The following SNX10 variants were observed in gnomAD, a reference collection of about 807,000 sequenced individuals.
SNX10 encodes sorting nexin 10, also known as sorting nexin-10.
In SNX10, 25 loss-of-function variants were observed where a neutral mutation model predicts 28.5. The observed-to-expected ratio is 0.88, with a 90% CI of 0.64 to 1.22. SNX10 has a LOEUF of 1.22. Ranked by LOEUF, SNX10 falls within the 50% of genes most tolerant of loss-of-function variation. The pLI is 0.00. For synonymous variants in SNX10, 62 were observed against 81.4 expected (o/e 0.76, Z 1.28); for missense variants, 223 against 242.6 (o/e 0.92, Z 0.54).
chr7:26,358,458 G>A (rs1187648417), intron 2 of SNX10, among the ~76,000 whole-genome samples: 13 of 152,154 alleles, frequency 8.5e-5, no homozygotes, highest in Admixed American at 6.5e-4. Context: ...AGAAATACTG[G>A]CTGGGGCACA....
intron 5 of SNX10, 88 bp downstream of exon 5, chr7:26,365,233 C>G (rs1789243916): frequency 2.6e-6 from 2 of 783,234 alleles, no homozygotes; most frequent in African/African-American, 3.4e-5. Flanking sequence ...AAGAGTGTTC[C>G]TGTTTCTGAA....
chr7:26,313,333 T>C (rs2127998152), intron 1 of SNX10, among the ~76,000 whole-genome samples: 1 of 152,322 alleles, frequency 6.6e-6, no homozygotes, highest in East Asian at 1.9e-4. Flanking sequence ...AGCAGATCTT[T>C]AGAGCTGCTT....
At chr7:26,293,632 C>T (rs1177530661) in intron 1 of SNX10, among the ~76,000 whole-genome samples, 1 of 152,158 alleles carries the variant, frequency 6.6e-6, no homozygotes, top group Non-Finnish European at 1.5e-5. Context: ...CAGTGATTAG[C>T]ATGGACTCAA....
In SNX10 at chr7:26,325,103, G is replaced by A. The variant is rs1044090317; in HGVS notation, c.-23-21317G>A. On this transcript the variant is annotated intron_variant, in intron 1 of 6. Transcript: ENST00000338523. ...CCCTCTACCATTCTCATGAAAGAAC[G>A]GGCTAGCATAGCACCTACAGACTCC... Among the ~76,000 whole-genome samples the A allele has an allele frequency of 4.0e-5, 6 of 151,444 alleles. 1 individual carries two copies. The South Asian group carries it at 6.3e-4, about 16-fold the overall frequency.
chr7:26,350,172 T>C (rs1788540900), intron 2 of SNX10, among the ~76,000 whole-genome samples: 1 of 152,218 alleles, frequency 6.6e-6, no homozygotes, highest in South Asian at 2.1e-4. Flanking sequence ...CCTTCCCAAA[T>C]GCACATGCTT....
At chr7:26,309,368 C>CA (rs66530736) in intron 1 of SNX10, among the ~76,000 whole-genome samples, 6,628 of 140,282 alleles carry the variant, frequency 0.047, 392 homozygotes, top group African/African-American at 0.14. Context: ...CTTAATCATC[C>CA]AAAAAAAAAA....
intron 2 of SNX10, among the ~76,000 whole-genome samples, chr7:26,348,392 T>G (rs1242710881): frequency 6.6e-6 from 1 of 152,222 alleles, no homozygotes; most frequent in Non-Finnish European, 1.5e-5. Flanking sequence ...CTGAACCACC[T>G]TCAAGTTTAA....
At chr7:26,344,175 ATT>A (rs35200460) in intron 1 of SNX10, among the ~76,000 whole-genome samples, 8 of 114,062 alleles carry the variant, frequency 7.0e-5, no homozygotes, top group Admixed American at 9.8e-5. Flanking sequence ...CTGTCTCTGA[ATT>A]TTTTTTTTTT....
rs533069234 is a variant in SNX10 at position 26,317,941 on chromosome 7, G to A, written c.-24+25855G>A. Among the ~76,000 whole-genome samples, 15 of 152,140 alleles carry A rather than the reference G, an allele frequency of 9.9e-5. No homozygotes were observed. In the East Asian group the frequency reaches 1.7e-3, roughly 18 times the overall value. On this transcript the variant is annotated intron_variant, in intron 1 of 6. Coordinates refer to ENST00000338523, the MANE Select transcript of SNX10 (RefSeq NM_013322.3). ...CTCTCAAAGTGCTGGGATTACAGAC[G>A]TGAGCCACCACGCCCGGCTTTCATG... is the stretch of plus-strand genomic sequence containing the variant.
chr7:26,300,912 G>T (rs536739122), intron 1 of SNX10, among the ~76,000 whole-genome samples: 1 of 150,882 alleles, frequency 6.6e-6, no homozygotes, highest in Admixed American at 6.7e-5. Flanking sequence ...CCAGCTACTC[G>T]GGAGGCTGCG....
chr7:26,369,835 C>T (rs1191936491), intron 5 of SNX10, among the ~76,000 whole-genome samples: 10 of 152,180 alleles, frequency 6.6e-5, no homozygotes, highest in African/African-American at 2.2e-4. Context: ...CTTGAGGTCC[C>T]GATCAACCTG....
chr7:26,304,858 G>A (rs928545444), intron 1 of SNX10, among the ~76,000 whole-genome samples: 3 of 152,066 alleles, frequency 2.0e-5, no homozygotes, highest in Non-Finnish European at 2.9e-5. Context: ...TTTTAACTCC[G>A]GGTTCCTTAA....
chr7:26,323,081 C>T (rs1787368191), intron 1 of SNX10, among the ~76,000 whole-genome samples: 1 of 151,858 alleles, frequency 6.6e-6, no homozygotes, highest in African/African-American at 2.4e-5. Flanking sequence ...GATATTATCT[C>T]TATAAAAAAA....
At position 26,333,134 on chromosome 7, in the gene SNX10, C is replaced by T. The variant is rs374788599; in HGVS notation, c.-23-13286C>T. On this transcript the variant is annotated intron_variant, in intron 1 of 6. Coordinates refer to ENST00000338523, the MANE Select transcript of SNX10 (RefSeq NM_013322.3). ...AGACATCTGGGATTCTGATAGTGAT[C>T]GTGCTTGAATCCATAGATCACTTTG... Among the ~76,000 whole-genome samples the T allele has an allele frequency of 3.3e-5, 5 of 152,100 alleles. No homozygotes were observed. The East Asian group carries it at 7.7e-4, about 23-fold the overall frequency.
At position 26,314,230 on chromosome 7, in the gene SNX10, A is replaced by G. The variant is rs955123373; in HGVS notation, c.-24+22144A>G. On this transcript the variant is annotated intron_variant, in intron 1 of 6. Transcript: ENST00000338523. ...TCAATATATTTTCAAAGGGTAGTCC[A>G]TTCTTGTAAAGGACATAATGTGCCT... 2.6e-5 allele frequency among the ~76,000 whole-genome samples: 4 copies of G among 151,756 alleles called. No homozygotes were observed. In the East Asian group the frequency reaches 5.9e-4, roughly 22 times the overall value.
intron 2 of SNX10, among the ~76,000 whole-genome samples, chr7:26,358,952 C>A (rs879449534): frequency 6.6e-6 from 1 of 151,352 alleles, no homozygotes; most frequent in African/African-American, 2.4e-5. Context: ...ATTACAGGCG[C>A]CCAACACCAT....
chr7:26,329,076 C>T (rs1381403560), intron 1 of SNX10, among the ~76,000 whole-genome samples: 3 of 152,208 alleles, frequency 2.0e-5, no homozygotes, highest in African/African-American at 4.8e-5. Flanking sequence ...ACCCAGCAGC[C>T]AGAGGGATCC....
intron 1 of SNX10, among the ~76,000 whole-genome samples, chr7:26,317,659 C>G (rs935193190): frequency 9.4e-6 from 1 of 106,220 alleles, no homozygotes; most frequent in African/African-American, 3.6e-5. Context: ...CTTCTTTGAT[C>G]TTTTTTTTTT....
intron 1 of SNX10, among the ~76,000 whole-genome samples, chr7:26,301,663 A>G (rs1786371723): frequency 6.6e-6 from 1 of 152,224 alleles, no homozygotes; most frequent in Admixed American, 6.5e-5. Context: ...TTAGTACTCA[A>G]CCATGTACCA....
Sources: allele counts gnomAD v4.1 joint callset (sites outside exome capture counted in the v4.1 genomes callset), GRCh38; gene constraint gnomAD v4.1.1; transcripts MANE v1.5; gene names NCBI Gene and HGNC (gene_info 2026-07-23, HGNC 2026-07-21).